COPS9: variants seen among roughly 807,000 people sequenced by gnomAD.
COPS9 encodes the protein COP9 signalosome complex subunit 9.
COPS9 carries 8 observed loss-of-function variants against 7.2 expected under a neutral mutation model. That is an observed-to-expected ratio of 1.11 (90% CI 0.65 to 2.00). COPS9 has a LOEUF of 2.00. Among genes scored for constraint, COPS9 ranks in the 30% most tolerant of loss-of-function variants. The pLI is 0.00. For synonymous variants in COPS9, 39 were observed against 28.7 expected (o/e 1.36, Z -1.14); for missense variants, 74 against 77.7 (o/e 0.95, Z 0.18).
chr2:240,134,269 T>C, intron 1 of COPS9: 1 of 440,666 alleles, frequency 2.3e-6, no homozygotes, highest in Non-Finnish European at 4.1e-6. Flanking sequence ...ACCACTGACC[T>C]AAGCACCACT....
chr2:240,130,408 G>A (rs111405464), downstream of COPS9, among the ~76,000 whole-genome samples: 9 of 152,236 alleles, frequency 5.9e-5, no homozygotes, highest in Admixed American at 3.3e-4. Context: ...CCACATGGGC[G>A]TTACACTCTC....
downstream of COPS9, among the ~76,000 whole-genome samples, chr2:240,130,589 A>G (rs954452993): frequency 6.6e-6 from 1 of 152,230 alleles, no homozygotes; most frequent in Non-Finnish European, 1.5e-5. Flanking sequence ...CACACAGCAG[A>G]GGGGCGGCCC....
chr2:240,131,172 C>A, intron 2 of COPS9, 84 bp from the exon 3 acceptor site: 1 of 1,395,394 alleles, frequency 7.2e-7, no homozygotes. Flanking sequence ...ATATAGTAGT[C>A]CAAAATACAG....
Position 240,133,918 on chromosome 2 carries a change from T to C in COPS9, c.136+15A>G. The C allele has an allele frequency of 6.2e-7, 1 of 1,613,346 alleles. No homozygotes were observed. The highest frequency in any genetic ancestry group is 8.5e-7 in the Non-Finnish European group (1 of 1,179,494). ...ATTCAGATTAAATCTGGCATCCCAT[T>C]CCAAGCATCCTTACCGTTAAAAAAG... On this transcript the variant is annotated intron_variant, in intron 2 of 2. Transcript: ENST00000607357.
At chr2:240,133,274 A>G (rs992622421) in intron 2 of COPS9, among the ~76,000 whole-genome samples, 2 of 152,262 alleles carry the variant, frequency 1.3e-5, no homozygotes, top group African/African-American at 4.8e-5. Flanking sequence ...GTAAAGGTTA[A>G]TATCATCTAT....
intron 1 of COPS9, 115 bp from the exon 2 acceptor site, chr2:240,134,120 C>T: frequency 1.1e-6 from 1 of 917,548 alleles, no homozygotes; most frequent in Non-Finnish European, 1.7e-6. Context: ...GGGAAACAGG[C>T]TCAAGTTGGA....
rs1358156804 is a variant in COPS9, at chr2:240,131,016, C to T, written c.*35G>A. ...GCAGGCTCACACTGCGGCTCTGTAC[C>T]AAGGGCTTGGCCCCGCCTGCAGCCA... On this transcript the variant is annotated 3_prime_UTR_variant, in exon 3 of 3. Transcript: ENST00000607357. 8.1e-6 allele frequency: 13 copies of T among 1,611,210 alleles called. No individual in the cohort carries two copies. Among genetic ancestry groups the T allele is most frequent in the African/African-American group, 1.3e-5 (1 of 74,926 alleles).
chr2:240,126,554 C>A, downstream of COPS9: 4 of 1,609,058 alleles, frequency 2.5e-6, no homozygotes, highest in Non-Finnish European at 3.4e-6. Context: ...ACACACACCT[C>A]TCTGCATCCT....
downstream of COPS9, chr2:240,130,111 C>G (rs560535320): frequency 5.5e-5 from 62 of 1,120,182 alleles, no homozygotes; most frequent in Non-Finnish European, 7.0e-5. Flanking sequence ...AGAGGCAGAG[C>G]TGACATTCGG....
downstream of COPS9, chr2:240,129,899 T>G (rs751378252): frequency 6.2e-7 from 1 of 1,611,646 alleles, no homozygotes; most frequent in Admixed American, 1.7e-5. Context: ...CTTACAGAGA[T>G]GCACTTCTTA....
At chr2:240,127,233 AC>A (rs911783644), downstream of COPS9, among the ~76,000 whole-genome samples, 3 of 70,544 alleles carry the variant, frequency 4.3e-5, no homozygotes, top group African/African-American at 1.6e-4. Context: ...GCTGACCCCC[AC>A]CCCCACCCCT....
At position 240,134,806 on chromosome 2, in the gene COPS9, C is replaced by T. The variant is rs957375692; in HGVS notation, c.64-801G>A. Among the ~76,000 whole-genome samples the T allele has an allele frequency of 4.6e-5, 7 of 152,160 alleles. No individual in the cohort carries two copies. The South Asian group carries it at 6.2e-4, about 14-fold the overall frequency. On this transcript the variant is annotated intron_variant, in intron 1 of 2. Transcript: ENST00000607357. ...GTCCCCATCAGCACAGTAAGCCACG[C>T]GCATTCTACCACTTGAAGCTTGTCC...
At chr2:240,129,348 A>T (rs1345870694), downstream of COPS9, among the ~76,000 whole-genome samples, 10 of 152,070 alleles carry the variant, frequency 6.6e-5, no homozygotes, top group Non-Finnish European at 1.3e-4. Context: ...ATTTTTGTAT[A>T]GAGAGGGGGG....
downstream of COPS9, among the ~76,000 whole-genome samples, chr2:240,128,456 G>T (rs2071888733): frequency 1.3e-5 from 2 of 152,234 alleles, no homozygotes; most frequent in Admixed American, 6.5e-5. Flanking sequence ...ACCCCAGAAG[G>T]CTCCCTCGCC....
At chr2:240,127,013 C>G (rs2071873192), downstream of COPS9, 2 of 1,547,020 alleles carry the variant, frequency 1.3e-6, no homozygotes. Context: ...TCCGAGTGAC[C>G]TGGGACAAGT....
chr2:240,129,414 C>T (rs1314937870), downstream of COPS9, among the ~76,000 whole-genome samples: 2 of 152,176 alleles, frequency 1.3e-5, no homozygotes, highest in East Asian at 3.9e-4. Flanking sequence ...GACCCTCCCG[C>T]CTCACCCTCC....
In COPS9 at chr2:240,132,341, C is replaced by T. The variant is rs967670020; in HGVS notation, c.137-1253G>A. ...CGAGTAAAAAGGACTTAGCAAAAGCCTCATCCACAGCCCACAGAGGTCTCT... is the reference window on the plus strand; with the variant it reads ...CGAGTAAAAAGGACTTAGCAAAAGCTTCATCCACAGCCCACAGAGGTCTCT... On this transcript the variant is annotated intron_variant, in intron 2 of 2. Coordinates refer to ENST00000607357, the MANE Select transcript of COPS9 (RefSeq NM_001163424.2). The surrounding 1 kb of genome is among the most constrained non-coding windows in gnomAD (Gnocchi z 4.1). Among the ~76,000 whole-genome samples, 1 of 152,166 alleles carries T rather than the reference C, an allele frequency of 6.6e-6. No homozygotes were observed. The highest frequency in any genetic ancestry group is 2.4e-5 in the African/African-American group (1 of 41,430).
At chr2:240,127,807 T>C (rs1373296353), downstream of COPS9, among the ~76,000 whole-genome samples, 3 of 152,160 alleles carry the variant, frequency 2.0e-5, no homozygotes, top group African/African-American at 7.2e-5. Context: ...AAGAAATGCC[T>C]GCTGAGCACC....
chr2:240,126,633 T>C, downstream of COPS9: 1 of 1,614,242 alleles, frequency 6.2e-7, no homozygotes, highest in Non-Finnish European at 8.5e-7. Flanking sequence ...TGGTGTTTCA[T>C]CACTCTTAAA....
Sources: allele counts gnomAD v4.1 joint callset (sites outside exome capture counted in the v4.1 genomes callset), GRCh38; gene constraint gnomAD v4.1.1; non-coding constraint Gnocchi (gnomAD v3.1); transcripts MANE v1.5; gene names NCBI Gene and HGNC (gene_info 2026-07-23, HGNC 2026-07-21).